The following BTRC variants were observed in gnomAD, a reference collection of about 807,000 sequenced individuals.
BTRC encodes beta-transducin repeat containing E3 ubiquitin protein ligase.
Under a neutral mutation model 85.5 loss-of-function variants are expected in BTRC, and 42 were observed. The ratio of observed to expected loss-of-function variants is 0.49; its 90% CI spans 0.38 to 0.64. BTRC has a LOEUF of 0.64. BTRC is among the 30% of genes least tolerant of loss of function. The pLI is 0.00. For missense variants in BTRC, 594 were observed against 743.5 expected (o/e 0.80, Z 2.34); for synonymous variants, 255 against 263.3 (o/e 0.97, Z 0.30).
Position 101,522,185 on chromosome 10 carries a change from C to T in BTRC, c.556+315C>T, listed in dbSNP as rs1315668985. Among the ~76,000 whole-genome samples the T allele has an allele frequency of 9.5e-5, 14 of 148,144 alleles. 1 individual carries two copies. Among genetic ancestry groups the T allele is most frequent in the South Asian group, 6.4e-4 (3 of 4,702 alleles). On this transcript the variant is annotated intron_variant, in intron 5 of 14. Coordinates refer to ENST00000370187, the MANE Select transcript of BTRC (RefSeq NM_033637.4). ...CCTTCTGAGTAGCTGGGACTACAGG[C>T]GCCCGCCACCACACTGGGCTAATTT... is the stretch of plus-strand genomic sequence containing the variant.
At chr10:101,485,117 G>A (rs1031938800) in intron 4 of BTRC, among the ~76,000 whole-genome samples, 4 of 152,156 alleles carry the variant, frequency 2.6e-5, no homozygotes, top group Admixed American at 6.5e-5. Flanking sequence ...GCCATTGGTT[G>A]AGGAAAGTGT....
At chr10:101,513,972 A>T (rs9325503) in intron 4 of BTRC, among the ~76,000 whole-genome samples, 5 of 152,040 alleles carry the variant, frequency 3.3e-5, no homozygotes, top group African/African-American at 1.2e-4. Context: ...AGCCATTCTA[A>T]TAAGTGTGTC....
At chr10:101,449,226 T>C (rs1045393274) in intron 2 of BTRC, among the ~76,000 whole-genome samples, 3 of 151,584 alleles carry the variant, frequency 2.0e-5, no homozygotes, top group African/African-American at 7.3e-5. Context: ...TGTAATAAAA[T>C]GGTAATACCA....
chr10:101,405,145 A>G (rs997286355), intron 1 of BTRC, among the ~76,000 whole-genome samples: 2 of 151,546 alleles, frequency 1.3e-5, no homozygotes, highest in African/African-American at 4.9e-5. Context: ...CCCCAGTACT[A>G]TCTGGTTCCC....
chr10:101,459,872 C>A (rs547024597), intron 2 of BTRC, among the ~76,000 whole-genome samples: 22 of 152,090 alleles, frequency 1.4e-4, no homozygotes, highest in Non-Finnish European at 2.8e-4. Context: ...GACTATTTTT[C>A]ACTTTATAAT....
chr10:101,496,476 C>T (rs942902337), intron 4 of BTRC, among the ~76,000 whole-genome samples: 3 of 152,114 alleles, frequency 2.0e-5, no homozygotes, highest in Admixed American at 1.3e-4. Flanking sequence ...AGTGCATCAG[C>T]GCAATCATAG....
intron 1 of BTRC, among the ~76,000 whole-genome samples, chr10:101,378,744 C>CG: frequency 6.6e-6 from 1 of 151,978 alleles, no homozygotes; most frequent in Middle Eastern, 3.4e-3. Context: ...AGGCTGGTCT[C>CG]GAACTCCCAA....
At chr10:101,456,442 A>G (rs1945086192) in intron 2 of BTRC, among the ~76,000 whole-genome samples, 1 of 152,236 alleles carries the variant, frequency 6.6e-6, no homozygotes, top group African/African-American at 2.4e-5. Flanking sequence ...TGAGGATTTA[A>G]GTCTAGGATA....
chr10:101,354,135 A>C, upstream of BTRC: 1 of 1,547,012 alleles, frequency 6.5e-7, no homozygotes, highest in Non-Finnish European at 8.7e-7. Flanking sequence ...GCCTGGCACC[A>C]AAGGGGCGGC....
chr10:101,385,347 A>C (rs1366389820), intron 1 of BTRC, among the ~76,000 whole-genome samples: 2 of 145,822 alleles, frequency 1.4e-5, no homozygotes, highest in African/African-American at 5.1e-5. Context: ...AGCCTAGGTG[A>C]CAGAACGAGA....
chr10:101,376,501 C>T (rs530624266), intron 1 of BTRC, among the ~76,000 whole-genome samples: 2 of 152,270 alleles, frequency 1.3e-5, no homozygotes, highest in East Asian at 3.9e-4. Flanking sequence ...CAAGCTGTGA[C>T]ACTTAGAAGA....
chr10:101,356,893 G>A (rs143946272), intron 1 of BTRC, among the ~76,000 whole-genome samples: 10,132 of 152,180 alleles, frequency 0.067, 357 homozygotes, highest in Non-Finnish European at 0.074. Context: ...GACTTTGGGA[G>A]GCCGAGGCAG....
intron 1 of BTRC, among the ~76,000 whole-genome samples, chr10:101,391,714 A>G (rs1250823466): frequency 1.3e-5 from 2 of 152,262 alleles, no homozygotes; most frequent in African/African-American, 4.8e-5. Flanking sequence ...AAATATTTTT[A>G]CTTCTTAATT....
chr10:101,392,124 C>T (rs758916919), intron 1 of BTRC, among the ~76,000 whole-genome samples: 2 of 152,110 alleles, frequency 1.3e-5, no homozygotes, highest in African/African-American at 2.4e-5. Flanking sequence ...GGATTACTGG[C>T]GTGCGCCACC....
intron 4 of BTRC, among the ~76,000 whole-genome samples, chr10:101,517,639 A>T (rs2062039730): frequency 6.6e-6 from 1 of 152,154 alleles, no homozygotes; most frequent in African/African-American, 2.4e-5. Context: ...ACCCAGTTGT[A>T]CCCATTTGTG....
chr10:101,549,123 C>T (rs1007525610), intron 13 of BTRC, among the ~76,000 whole-genome samples: 3 of 151,322 alleles, frequency 2.0e-5, no homozygotes, highest in African/African-American at 7.3e-5. Context: ...CAGTAAGAGA[C>T]TAAACAAATT....
intron 3 of BTRC, among the ~76,000 whole-genome samples, chr10:101,471,556 C>T (rs1272463557): frequency 6.6e-6 from 1 of 151,884 alleles, no homozygotes; most frequent in Admixed American, 6.6e-5. Context: ...TAAGTGTTTG[C>T]CAGGTTTTGG....
At chr10:101,443,892 C>T (rs1385090211) in intron 2 of BTRC, among the ~76,000 whole-genome samples, 1 of 152,154 alleles carries the variant, frequency 6.6e-6, no homozygotes, top group African/African-American at 2.4e-5. Context: ...TTTTATTTGC[C>T]AATTACTGTA....
At chr10:101,546,908 C>T (rs2062566610) in intron 13 of BTRC, among the ~76,000 whole-genome samples, 2 of 152,166 alleles carry the variant, frequency 1.3e-5, no homozygotes, top group African/African-American at 2.4e-5. Context: ...TAAGCCTAGG[C>T]AGATCCACTG....
Sources: gnomAD v4.1 joint callset for allele counts (sites outside exome capture counted in the v4.1 genomes callset) on GRCh38, gnomAD v4.1.1 for gene constraint, MANE v1.5 for transcripts, NCBI Gene and HGNC (gene_info 2026-07-23, HGNC 2026-07-21) for gene names.